DPYSL2: variants seen among roughly 807,000 people sequenced by gnomAD.
The protein encoded by DPYSL2 is dihydropyrimidinase like 2, also known as dihydropyrimidinase-related protein 2.
DPYSL2 carries 13 observed loss-of-function variants against 69.9 expected under a neutral mutation model. The ratio of observed to expected loss-of-function variants is 0.19; its 90% CI spans 0.12 to 0.30. DPYSL2 has a LOEUF of 0.30. Among genes scored for constraint, DPYSL2 ranks in the 10% least tolerant of loss-of-function variants. The probability of loss-of-function intolerance (pLI) is 1.00; values close to 1 mark genes in which losing one functional copy is unlikely to be tolerated. For missense variants in DPYSL2, 587 were observed against 918.9 expected, an observed-to-expected ratio of 0.64 and a Z score of 4.67; for synonymous variants, 326 against 359.1, an observed-to-expected ratio of 0.91 and a Z score of 1.04.
chr8:26,612,213 G>A (rs1802245766), intron 3 of DPYSL2, among the ~76,000 whole-genome samples: 1 of 152,188 alleles, frequency 6.6e-6, no homozygotes, highest in African/African-American at 2.4e-5. Context: ...AAAAAGCAGC[G>A]CTGTCTGGGG....
At chr8:26,577,595 G>A (rs2129712903) in intron 1 of DPYSL2, among the ~76,000 whole-genome samples, 1 of 149,622 alleles carries the variant, frequency 6.7e-6, no homozygotes, top group African/African-American at 2.4e-5. Flanking sequence ...CCGCCGTCTC[G>A]GGGTGCCGCC....
chr8:26,557,308 G>T lies in DPYSL2; in HGVS notation c.355-24661G>T, dbSNP rs570550920. Among the ~76,000 whole-genome samples the T allele has an allele frequency of 9.1e-4, 138 of 152,098 alleles. 1 individual carries two copies. The highest frequency in any genetic ancestry group is 3.2e-3 in the African/African-American group (133 of 41,508). On this transcript the variant is annotated intron_variant, in intron 1 of 13. Transcript: ENST00000521913. Reference sequence around the variant, plus strand: ...TTGCAAAAGACACACATATGGTAAAGAACTGTTATCCAAAATGTACAAAGA... The same window carrying T: ...TTGCAAAAGACACACATATGGTAAATAACTGTTATCCAAAATGTACAAAGA...
intron 3 of DPYSL2, among the ~76,000 whole-genome samples, chr8:26,622,113 C>CCTTCCTTCCTTA (rs1802497723): frequency 4.3e-5 from 2 of 46,436 alleles, no homozygotes; most frequent in African/African-American, 1.3e-4. Context: ...TTCCTTCCTT[C>CCTTCCTTCCTTA]CTTCCTTCCT....
chr8:26,556,691 C>G (rs1320863017), intron 1 of DPYSL2, among the ~76,000 whole-genome samples: 1 of 151,926 alleles, frequency 6.6e-6, no homozygotes, highest in Admixed American at 6.6e-5. Flanking sequence ...TTGATCCACA[C>G]ATTAGATACA....
chr8:26,630,434 G>T (rs1049172313), intron 7 of DPYSL2, among the ~76,000 whole-genome samples: 3 of 152,178 alleles, frequency 2.0e-5, no homozygotes, highest in Admixed American at 2.0e-4. Flanking sequence ...TTGGGATTGG[G>T]CCTTGGAAAT....
At chr8:26,579,441 C>T (rs1373524797) in intron 1 of DPYSL2, among the ~76,000 whole-genome samples, 1 of 152,172 alleles carries the variant, frequency 6.6e-6, no homozygotes. Flanking sequence ...CAATTGCAAC[C>T]GGCCAGCTGA....
rs1185259483 is a variant in DPYSL2 at position 26,614,317 on chromosome 8, T to TGC, written c.629-9825_629-9824dup. Reference sequence around the variant, plus strand: ...GGCACTGGCAGGATGGGGGCCAGTGTGCAGTGGGCCAAGAGGGAATGGGAG... The same window carrying TGC: ...GGCACTGGCAGGATGGGGGCCAGTGTGCGCAGTGGGCCAAGAGGGAATGGGAG... On this transcript the variant is annotated intron_variant, in intron 3 of 13. Coordinates refer to ENST00000521913, the MANE Select transcript of DPYSL2 (RefSeq NM_001197293.3). This position sits in a 1 kb window ranked among gnomAD's most constrained non-coding sequence, Gnocchi z 4.9. Among the ~76,000 whole-genome samples, 1 of 151,804 alleles carries TGC rather than the reference T, an allele frequency of 6.6e-6. No individual in the cohort carries two copies. Among genetic ancestry groups the TGC allele is most frequent in the Non-Finnish European group, 1.5e-5 (1 of 67,966 alleles).
At chr8:26,518,498 T>C (rs547137890) in intron 1 of DPYSL2, among the ~76,000 whole-genome samples, 1 of 152,226 alleles carries the variant, frequency 6.6e-6, no homozygotes, top group Non-Finnish European at 1.5e-5. Flanking sequence ...CATTTTTAAG[T>C]GCAGCTCAGT....
rs111344812 is a variant in DPYSL2 at position 26,648,033 on chromosome 8, C to A, written c.1596+233C>A. The stretch of plus-strand genomic sequence containing the variant: ...TTTTGGAATACCACAGCCTCTCTAT[C>A]TATAGACCTTTAGAGCCTCTAAAGT... On this transcript the variant is annotated intron_variant, in intron 11 of 13. Coordinates refer to ENST00000521913, the MANE Select transcript of DPYSL2 (RefSeq NM_001197293.3). The surrounding 1 kb of genome is among the most constrained non-coding windows in gnomAD (Gnocchi z 4.3). 4.9e-4 allele frequency among the ~76,000 whole-genome samples: 75 copies of A among 152,308 alleles called. No individual in the cohort carries two copies. In the East Asian group the frequency reaches 0.014, roughly 28 times the overall value.
rs750894336 is a variant in DPYSL2, at chr8:26,634,872, T to G, written c.1098T>G (p.Ala366=). Residue 366 remains alanine, a synonymous_variant, in exon 8 of 14, where the codon GCT becomes GCG. Transcript: ENST00000521913. ...CCAAGGTGATGAGCAAAAGCTCTGC[T>G]GAGGTCATCGCCCAGGCACGGAAGA... ...YITKVMSKSS[A]EVIAQARKKG... 45 of 1,614,136 alleles carry G rather than the reference T, an allele frequency of 2.8e-5. No individual in the cohort carries two copies. The highest frequency in any genetic ancestry group is 3.6e-5 in the Non-Finnish European group (43 of 1,180,050).
intron 3 of DPYSL2, 195 bp from the exon 4 acceptor site, chr8:26,623,948 C>A (rs1802557862): frequency 1.7e-6 from 1 of 600,386 alleles, no homozygotes; most frequent in Non-Finnish European, 2.9e-6. Flanking sequence ...TCATCCAATG[C>A]CAAGTTTCTG....
At position 26,653,622 on chromosome 8, in the gene DPYSL2, G is replaced by A. The variant is rs1427615023; in HGVS notation, c.1942+225G>A. ...TACCCAGACTGGAGTGCAATGGCAC[G>A]ACCTTGGCTCACTGCAACCTCCACC... is the stretch of plus-strand genomic sequence containing the variant. On this transcript the variant is annotated intron_variant, in intron 13 of 13. Transcript: ENST00000521913. This position sits in a 1 kb window ranked among gnomAD's most constrained non-coding sequence, Gnocchi z 5.7. Among the ~76,000 whole-genome samples the A allele has an allele frequency of 6.6e-6, 1 of 152,030 alleles. No homozygotes were observed. Among genetic ancestry groups the A allele is most frequent in the Non-Finnish European group, 1.5e-5 (1 of 68,006 alleles).
At chr8:26,596,854 C>G (rs1428128828) in intron 3 of DPYSL2, among the ~76,000 whole-genome samples, 2 of 152,194 alleles carry the variant, frequency 1.3e-5, no homozygotes, top group African/African-American at 4.8e-5. Context: ...ACAGCCTGCT[C>G]ATGAAAGCTG....
chr8:26,572,902 A>G (rs1801263364), intron 1 of DPYSL2, among the ~76,000 whole-genome samples: 1 of 152,162 alleles, frequency 6.6e-6, no homozygotes, highest in South Asian at 2.1e-4. Context: ...TGAGGATTGT[A>G]TTGTGTAGGT....
At chr8:26,536,378 AGTAAATTATAGGCCAG>A (rs955559534) in intron 1 of DPYSL2, among the ~76,000 whole-genome samples, 5 of 151,994 alleles carry the variant, frequency 3.3e-5, no homozygotes, top group South Asian at 2.1e-4. Context: ...TTTTTTAAAA[AGTAAATTATAGGCCAG>A]GCATGGTGGC....
chr8:26,610,640 C>A lies in DPYSL2; in HGVS notation c.629-13503C>A, dbSNP rs1802203948. ...ACGCCCTGTTCCTCATTGGAATCCTCTGTCCTAGCCTATCCCCCCTGCTCT... is the reference window on the plus strand; with the variant it reads ...ACGCCCTGTTCCTCATTGGAATCCTATGTCCTAGCCTATCCCCCCTGCTCT... On this transcript the variant is annotated intron_variant, in intron 3 of 13. Transcript: ENST00000521913. The surrounding 1 kb of genome is among the most constrained non-coding windows in gnomAD (Gnocchi z 4.5). Among the ~76,000 whole-genome samples, 1 of 152,110 alleles carries A rather than the reference C, an allele frequency of 6.6e-6. No homozygotes were observed. Among genetic ancestry groups the A allele is most frequent in the African/African-American group, 2.4e-5 (1 of 41,386 alleles).
In DPYSL2 at chr8:26,605,249, A is replaced by G. The variant is rs1429763858; in HGVS notation, c.629-18894A>G. ...TAACATGGTTCCGGATATGTTAGCCAGTGTAATAAGATACGAAAAATAAGA... is the reference window on the plus strand; with the variant it reads ...TAACATGGTTCCGGATATGTTAGCCGGTGTAATAAGATACGAAAAATAAGA... On this transcript the variant is annotated intron_variant, in intron 3 of 13. Coordinates refer to ENST00000521913, the MANE Select transcript of DPYSL2 (RefSeq NM_001197293.3). This position sits in a 1 kb window ranked among gnomAD's most constrained non-coding sequence, Gnocchi z 4.1. Among the ~76,000 whole-genome samples the G allele has an allele frequency of 6.6e-6, 1 of 152,192 alleles. No homozygotes were observed. The highest frequency in any genetic ancestry group is 1.5e-5 in the Non-Finnish European group (1 of 68,036).
At chr8:26,569,207 A>T (rs533017627) in intron 1 of DPYSL2, among the ~76,000 whole-genome samples, 1 of 152,144 alleles carries the variant, frequency 6.6e-6, no homozygotes, top group East Asian at 1.9e-4. Flanking sequence ...AGATAAAAAG[A>T]CTTAGCCAGG....
chr8:26,545,220 G>A (rs1800746164), intron 1 of DPYSL2, among the ~76,000 whole-genome samples: 1 of 152,108 alleles, frequency 6.6e-6, no homozygotes, highest in African/African-American at 2.4e-5. Flanking sequence ...ATTTTTCTCA[G>A]GCACACACAA....
Sources: gnomAD v4.1 joint callset for allele counts (sites outside exome capture counted in the v4.1 genomes callset) on GRCh38, gnomAD v4.1.1 for gene constraint, Gnocchi (gnomAD v3.1) non-coding constraint, MANE v1.5 for transcripts, NCBI Gene and HGNC (gene_info 2026-07-23, HGNC 2026-07-21) for gene names.